Variants in DISC1 observed in about 807,000 individuals in gnomAD.
The protein encoded by DISC1 is disrupted in schizophrenia 1 protein.
A neutral mutation model predicts 84.5 loss-of-function variants in DISC1; 57 were observed. The observed-to-expected ratio is 0.67, with a 90% CI of 0.55 to 0.84. DISC1 has a LOEUF of 0.84. Ranked by LOEUF, DISC1 falls within the 40% of genes least tolerant of loss-of-function variation. DISC1 has a pLI of 0.00. For synonymous variants in DISC1, 411 were observed against 415.2 expected, an observed-to-expected ratio of 0.99 and a Z score of 0.12; for missense variants, 1,000 against 1,057.8, an observed-to-expected ratio of 0.95 and a Z score of 0.76.
intron 1 of DISC1, among the ~76,000 whole-genome samples, chr1:231,684,223 C>T (rs187301687): frequency 6.6e-5 from 10 of 152,136 alleles, no homozygotes; most frequent in Admixed American, 4.6e-4. Flanking sequence ...CTCATTGCAG[C>T]CCTGAACTCC....
chr1:231,834,266 G>A (rs1336024432), intron 9 of DISC1, among the ~76,000 whole-genome samples: 1 of 152,194 alleles, frequency 6.6e-6, no homozygotes, highest in African/African-American at 2.4e-5. Context: ...GAAGAATTTG[G>A]ACCTAGCTTG....
intron 3 of DISC1, among the ~76,000 whole-genome samples, chr1:231,716,836 A>G (rs1296730869): frequency 6.6e-6 from 1 of 152,134 alleles, no homozygotes; most frequent in Non-Finnish European, 1.5e-5. Flanking sequence ...TGGCAACGAG[A>G]TGGCGCCTGT....
intron 9 of DISC1, among the ~76,000 whole-genome samples, chr1:231,851,699 T>A (rs1192401871): frequency 1.3e-5 from 2 of 151,984 alleles, no homozygotes; most frequent in East Asian, 3.9e-4. Flanking sequence ...GTAAGGGCCA[T>A]GAGAAGTGAG....
chr1:231,812,267 A>G (rs2125710803), intron 8 of DISC1, among the ~76,000 whole-genome samples: 1 of 152,228 alleles, frequency 6.6e-6, no homozygotes, highest in East Asian at 1.9e-4. Context: ...TATGTTGCCC[A>G]GGCTGGTCTC....
chr1:231,968,378 C>T (rs1009414669), intron 10 of DISC1, among the ~76,000 whole-genome samples: 2 of 151,714 alleles, frequency 1.3e-5, no homozygotes, highest in East Asian at 1.9e-4. Context: ...ACATGGGAGG[C>T]GGAGGCAACT....
chr1:231,958,224 T>A lies in DISC1; in HGVS notation c.1982-604T>A, dbSNP rs138423381. On this transcript the variant is annotated intron_variant, in intron 9 of 12. Coordinates refer to ENST00000439617, the MANE Select transcript of DISC1 (RefSeq NM_018662.3). Reference sequence around the variant, plus strand: ...CTCTTTTATCCGTAAAGTGCCTCTTTGATCTGCTGAACCATAGCAATCATT... The same window carrying A: ...CTCTTTTATCCGTAAAGTGCCTCTTAGATCTGCTGAACCATAGCAATCATT... Among the ~76,000 whole-genome samples, 431 of 152,364 alleles carry A rather than the reference T, an allele frequency of 2.8e-3. 2 individuals carry two copies. Among genetic ancestry groups the A allele is most frequent in the African/African-American group, 0.01 (420 of 41,594 alleles).
intron 9 of DISC1, among the ~76,000 whole-genome samples, chr1:231,840,603 C>T (rs912806482): frequency 2.6e-5 from 4 of 151,986 alleles, no homozygotes; most frequent in African/African-American, 9.7e-5. Flanking sequence ...AAAGAGACCT[C>T]TAAGGGCAGG....
chr1:231,726,291 C>T (rs772993233), intron 3 of DISC1, among the ~76,000 whole-genome samples: 1 of 152,192 alleles, frequency 6.6e-6, no homozygotes, highest in Non-Finnish European at 1.5e-5. Flanking sequence ...CAACAGTGGG[C>T]TTCCTAATAC....
intron 10 of DISC1, among the ~76,000 whole-genome samples, chr1:231,989,174 C>T (rs886628817): frequency 5.9e-5 from 9 of 152,186 alleles, no homozygotes; most frequent in African/African-American, 2.2e-4. Flanking sequence ...GAAGTAATAT[C>T]AGTTAGCTGA....
At chr1:231,945,499 A>G (rs1412296436) in intron 9 of DISC1, among the ~76,000 whole-genome samples, 1 of 152,262 alleles carries the variant, frequency 6.6e-6, no homozygotes, top group African/African-American at 2.4e-5. Context: ...AAATGTCCAC[A>G]GGAGAAAGCA....
intron 8 of DISC1, among the ~76,000 whole-genome samples, chr1:231,803,327 A>G (rs1359651405): frequency 1.3e-5 from 2 of 152,202 alleles, no homozygotes; most frequent in Non-Finnish European, 2.9e-5. Context: ...ATGCATCTCT[A>G]TTAATGTGTA....
At position 231,854,102 on chromosome 1, in the gene DISC1, A is replaced by G. The variant is rs1444667505; in HGVS notation, c.1981+35585A>G. 4.6e-5 allele frequency among the ~76,000 whole-genome samples: 7 copies of G among 151,984 alleles called. No homozygotes were observed. The East Asian group carries it at 9.7e-4, about 21-fold the overall frequency. ...ACGATGACCCTGGGGCTGATAACCA[A>G]CTCACAAATACATAAATCAACAACA... On this transcript the variant is annotated intron_variant, in intron 9 of 12. Transcript: ENST00000439617.
chr1:231,678,242 C>T (rs2063345593), intron 1 of DISC1, among the ~76,000 whole-genome samples: 1 of 152,110 alleles, frequency 6.6e-6, no homozygotes, highest in Non-Finnish European at 1.5e-5. Flanking sequence ...GGGGGATGGT[C>T]AGTATGGAAT....
chr1:231,893,623 A>G (rs2126010125), intron 9 of DISC1, among the ~76,000 whole-genome samples: 1 of 152,182 alleles, frequency 6.6e-6, no homozygotes, highest in East Asian at 1.9e-4. Flanking sequence ...TAATTCTGGG[A>G]CTGGGCTACC....
intron 9 of DISC1, among the ~76,000 whole-genome samples, chr1:231,919,046 A>C (rs569640659): frequency 1.3e-5 from 2 of 152,154 alleles, no homozygotes; most frequent in Non-Finnish European, 2.9e-5. Context: ...CTAGTGCTTA[A>C]CTCATCCATC....
chr1:231,761,141 T>C (rs1308030976), intron 4 of DISC1, among the ~76,000 whole-genome samples: 2 of 152,196 alleles, frequency 1.3e-5, no homozygotes, highest in Non-Finnish European at 2.9e-5. Context: ...GTGGTGCCGA[T>C]GGAGACCTGT....
intron 6 of DISC1, among the ~76,000 whole-genome samples, chr1:231,792,643 C>A (rs559296582): frequency 6.6e-6 from 1 of 152,326 alleles, no homozygotes; most frequent in South Asian, 2.1e-4. Flanking sequence ...GGGCAGCAGG[C>A]ATTAGCCACC....
At chr1:231,681,762 C>T (rs2063720332) in intron 1 of DISC1, among the ~76,000 whole-genome samples, 1 of 151,968 alleles carries the variant, frequency 6.6e-6, no homozygotes, top group South Asian at 2.1e-4. Flanking sequence ...ATGGCACGAT[C>T]TTGGCTCACT....
intron 1 of DISC1, among the ~76,000 whole-genome samples, chr1:231,661,632 T>A (rs942344574): frequency 3.9e-5 from 6 of 152,252 alleles, no homozygotes; most frequent in African/African-American, 1.4e-4. Flanking sequence ...CTATTCTGGC[T>A]ATCAGCTTCT....
Sources: allele counts gnomAD v4.1 joint callset (sites outside exome capture counted in the v4.1 genomes callset), GRCh38; gene constraint gnomAD v4.1.1; transcripts MANE v1.5; gene names NCBI Gene and HGNC (gene_info 2026-07-23, HGNC 2026-07-21).